The following TMEM65 variants were observed in gnomAD, a reference collection of about 807,000 sequenced individuals.
TMEM65 encodes the protein transmembrane protein 65.
Under a neutral mutation model 25.4 loss-of-function variants are expected in TMEM65, and 22 were observed. The observed-to-expected ratio is 0.86, with a 90% CI of 0.62 to 1.23. The LOEUF is 1.23. Ranked by LOEUF, TMEM65 falls within the 50% of genes most tolerant of loss-of-function variation. The pLI is 0.00. For missense variants in TMEM65, 262 were observed against 308.2 expected (o/e 0.85, Z 1.12); for synonymous variants, 132 against 126.2 (o/e 1.05, Z -0.31).
intron 1 of TMEM65, among the ~76,000 whole-genome samples, chr8:124,362,900 G>C (rs1247652851): frequency 6.6e-6 from 1 of 152,120 alleles, no homozygotes; most frequent in Non-Finnish European, 1.5e-5. Flanking sequence ...GGGGAGAGGA[G>C]AGACAGATTC....
chr8:124,319,957 C>T (rs562890542), intron 6 of TMEM65, 129 bp downstream of exon 6: 8 of 592,586 alleles, frequency 1.4e-5, no homozygotes, highest in South Asian at 2.7e-5. Flanking sequence ...AAACTGCCAA[C>T]GTCTAGACAA....
Position 124,371,902 on chromosome 8 carries a change from A to C in TMEM65, c.256T>G (p.Cys86Gly). 1 of 1,550,486 alleles carries C rather than the reference A, an allele frequency of 6.4e-7. No homozygotes were observed. The highest frequency in any genetic ancestry group is 8.7e-7 in the Non-Finnish European group (1 of 1,152,720). ...AAGCGGTGCAGCTCTTTGAGCAGGC[A>C]GCTCCTCTCCGTGGAGTGCAGGCTG... ...IYSLHSTERSCLLKELHRFES... is the reference protein window; with the variant it reads ...IYSLHSTERSGLLKELHRFES... Residue 86 changes from cysteine (C) to glycine (G), a missense_variant, in exon 1 of 7, where the codon TGC becomes GGC. Coordinates refer to ENST00000297632, the MANE Select transcript of TMEM65 (RefSeq NM_194291.3).
At chr8:124,336,971 G>C (rs1026050863) in intron 1 of TMEM65, among the ~76,000 whole-genome samples, 1 of 151,748 alleles carries the variant, frequency 6.6e-6, no homozygotes, top group Admixed American at 6.6e-5. Flanking sequence ...ATATTAAAAA[G>C]AAAAGAGTAT....
intron 1 of TMEM65, among the ~76,000 whole-genome samples, chr8:124,352,114 G>A (rs532982958): frequency 1.8e-4 from 27 of 152,274 alleles, no homozygotes; most frequent in African/African-American, 6.5e-4. Flanking sequence ...TGATTACGAT[G>A]TACATATGTT....
At chr8:124,319,565 G>C (rs1032316775) in intron 6 of TMEM65, among the ~76,000 whole-genome samples, 1 of 151,552 alleles carries the variant, frequency 6.6e-6, no homozygotes, top group African/African-American at 2.4e-5. Flanking sequence ...TAGTCAGTAT[G>C]CTTGGAACTC....
chr8:124,371,317 C>A (rs1444499353), intron 1 of TMEM65, among the ~76,000 whole-genome samples: 2 of 152,246 alleles, frequency 1.3e-5, no homozygotes, highest in African/African-American at 4.8e-5. Flanking sequence ...TGGAAACAAG[C>A]AGCTATGAGC....
At chr8:124,318,363 G>T (rs1185601939) in intron 6 of TMEM65, among the ~76,000 whole-genome samples, 192 of 73,724 alleles carry the variant, frequency 2.6e-3, no homozygotes, top group Admixed American at 4.2e-3. Flanking sequence ...GAATTTGCAT[G>T]TTTTTGTTTT....
intron 1 of TMEM65, among the ~76,000 whole-genome samples, chr8:124,361,761 G>C (rs541403398): frequency 6.6e-6 from 1 of 151,904 alleles, no homozygotes; most frequent in Non-Finnish European, 1.5e-5. Flanking sequence ...GCTTGAACCC[G>C]GGAGGCAGAG....
intron 1 of TMEM65, among the ~76,000 whole-genome samples, chr8:124,369,444 A>G (rs1014889825): frequency 2.6e-5 from 4 of 152,228 alleles, no homozygotes. Context: ...TTTCCATACC[A>G]AATCCAAAAC....
chr8:124,327,269 T>A, intron 3 of TMEM65, 85 bp downstream of exon 3: 1 of 903,934 alleles, frequency 1.1e-6, no homozygotes, highest in Non-Finnish European at 1.7e-6. Context: ...TAAAACTTTA[T>A]AATCACAATA....
At position 124,333,470 on chromosome 8, in the gene TMEM65, CGTGTGTGTGT is replaced by C. The variant is rs10660640; in HGVS notation, c.305-2688_305-2679del. Reference sequence around the variant, plus strand: ...TTCTTTCCATCTGTGTGTGTGTGTGCGTGTGTGTGTGTGTGTGTGTGTGTGTGTCTGTGTG... The same window carrying C: ...TTCTTTCCATCTGTGTGTGTGTGTGCGTGTGTGTGTGTGTGTGTCTGTGTG... On this transcript the variant is annotated intron_variant, in intron 1 of 6. Transcript: ENST00000297632. Among the ~76,000 whole-genome samples the C allele has an allele frequency of 4.7e-5, 7 of 149,136 alleles. No individual in the cohort carries two copies. In the South Asian group the frequency reaches 1.3e-3, roughly 28 times the overall value.
At chr8:124,336,294 A>C (rs912455017) in intron 1 of TMEM65, among the ~76,000 whole-genome samples, 1 of 152,048 alleles carries the variant, frequency 6.6e-6, no homozygotes, top group African/African-American at 2.4e-5. Context: ...TTTTCTTAGT[A>C]ATTGACAGAA....
At chr8:124,333,942 G>A (rs774488612) in intron 1 of TMEM65, among the ~76,000 whole-genome samples, 2 of 152,204 alleles carry the variant, frequency 1.3e-5, no homozygotes, top group Non-Finnish European at 2.9e-5. Flanking sequence ...GGAAAGGATA[G>A]AGTCAGAAAG....
intron 1 of TMEM65, among the ~76,000 whole-genome samples, chr8:124,337,672 T>A (rs766188730): frequency 3.9e-5 from 6 of 152,040 alleles, no homozygotes; most frequent in Non-Finnish European, 5.9e-5. Flanking sequence ...AACTGCTGAT[T>A]TATGCTGTAG....
chr8:124,336,558 T>C (rs747957144), intron 1 of TMEM65, among the ~76,000 whole-genome samples: 56 of 151,858 alleles, frequency 3.7e-4, no homozygotes, highest in Non-Finnish European at 6.9e-4. Context: ...AATTTGGAAA[T>C]TAAACATCTT....
chr8:124,351,203 G>C lies in TMEM65; in HGVS notation c.305-20411C>G, dbSNP rs945008019. ...AACTTTAAAATATATATAAAACTTA[G>C]AAGTGCCACATGCTAGTATACAGGC... On this transcript the variant is annotated intron_variant, in intron 1 of 6. Transcript: ENST00000297632. The C allele has an allele frequency of 1.8e-5, 14 of 774,576 alleles. No individual in the cohort carries two copies. In the South Asian group the frequency reaches 7.6e-4, roughly 42 times the overall value. The allele number at this position is 774,576 out of a possible 1,614,324, so 48.0% of individuals were successfully genotyped here. A position where few individuals can be genotyped will look rare whatever the true frequency, so the allele number is the denominator to read the frequency against.
At chr8:124,333,917 TGA>T (rs1814469351) in intron 1 of TMEM65, among the ~76,000 whole-genome samples, 1 of 151,950 alleles carries the variant, frequency 6.6e-6, no homozygotes, top group Non-Finnish European at 1.5e-5. Context: ...AACTAGAAAG[TGA>T]GAGAGGAATC....
At chr8:124,337,212 A>C (rs1208145083) in intron 1 of TMEM65, among the ~76,000 whole-genome samples, 1 of 151,964 alleles carries the variant, frequency 6.6e-6, no homozygotes. Context: ...CATTTAAAGA[A>C]AAAACATCAA....
At chr8:124,363,728 T>C (rs577140748) in intron 1 of TMEM65, among the ~76,000 whole-genome samples, 13 of 147,980 alleles carry the variant, frequency 8.8e-5, no homozygotes, top group Non-Finnish European at 1.9e-4. Flanking sequence ...TCCCAGCTAC[T>C]TGGGAGGCTG....
Sources: gnomAD v4.1 joint callset for allele counts (sites outside exome capture counted in the v4.1 genomes callset) on GRCh38, gnomAD v4.1.1 for gene constraint, MANE v1.5 for transcripts, NCBI Gene and HGNC (gene_info 2026-07-23, HGNC 2026-07-21) for gene names.